PLCG1: variants seen among roughly 807,000 people sequenced by gnomAD.
PLCG1 encodes 1-phosphatidylinositol 4,5-bisphosphate phosphodiesterase gamma-1.
Under a neutral mutation model 177.8 loss-of-function variants are expected in PLCG1, and 71 were observed. The observed-to-expected ratio is 0.40, with a 90% CI of 0.33 to 0.49. The LOEUF (loss-of-function observed/expected upper bound fraction) is 0.49, where lower values mean the gene tolerates loss of function less well. Ranked by LOEUF, PLCG1 falls within the 20% of genes least tolerant of loss-of-function variation. The pLI is 0.72. For missense variants in PLCG1, 1,281 were observed against 1,709.0 expected (o/e 0.75, Z 4.42); for synonymous variants, 658 against 647.9 (o/e 1.02, Z -0.24).
rs1370509433 is a variant in PLCG1 at position 41,156,018 on chromosome 20, C to T, written c.218-3588C>T. Among the ~76,000 whole-genome samples, 1 of 152,138 alleles carries T rather than the reference C, an allele frequency of 6.6e-6. No individual in the cohort carries two copies. The highest frequency in any genetic ancestry group is 1.9e-4 in the East Asian group (1 of 5,184). On this transcript the variant is annotated intron_variant, in intron 1 of 31. Transcript: ENST00000685551. This position sits in a 1 kb window ranked among gnomAD's most constrained non-coding sequence, Gnocchi z 5.0. ...GGCAGATCTCCATCAGGGCAGGGAG[C>T]AGAGCAAGGCCCCAGGATTCTGCCT...
Position 41,157,234 on chromosome 20 carries a change from G to GTGTGTA in PLCG1, c.218-2367_218-2366insATGTGT, listed in dbSNP as rs2035352845. ...TGTGTGTGTGTGTGTGTGTGTGTGT[G>GTGTGTA]TGTGTGTACAGTCACACTCACCTTT... On this transcript the variant is annotated intron_variant, in intron 1 of 31. Transcript: ENST00000685551. The surrounding 1 kb of genome is among the most constrained non-coding windows in gnomAD (Gnocchi z 5.4). Among the ~76,000 whole-genome samples the GTGTGTA allele has an allele frequency of 6.7e-6, 1 of 149,484 alleles. No homozygotes were observed. The highest frequency in any genetic ancestry group is 2.1e-4 in the South Asian group (1 of 4,730).
At position 41,151,701 on chromosome 20, in the gene PLCG1, C is replaced by T. The variant is rs35101885; in HGVS notation, c.218-7905C>T. 6.6e-6 allele frequency among the ~76,000 whole-genome samples: 1 copy of T among 152,214 alleles called. No individual in the cohort carries two copies. The highest frequency in any genetic ancestry group is 2.4e-5 in the African/African-American group (1 of 41,450). On this transcript the variant is annotated intron_variant, in intron 1 of 31. Coordinates refer to ENST00000685551, the MANE Select transcript of PLCG1 (RefSeq NM_002660.3). This position sits in a 1 kb window ranked among gnomAD's most constrained non-coding sequence, Gnocchi z 5.5. The stretch of plus-strand genomic sequence containing the variant: ...GAGAGGAGAACTCTCACCCTTTCCA[C>T]AGGCTTTGGGCATATGCAGCCAGCT...
In PLCG1 at chr20:41,165,995, C is replaced by CA; in HGVS notation, c.1799+169_1799+170insA. On this transcript the variant is annotated intron_variant, in intron 16 of 31. Transcript: ENST00000685551. The surrounding 1 kb of genome is among the most constrained non-coding windows in gnomAD (Gnocchi z 6.6). ...ACACACACACTCTCTGTCTCACCCCCCCCCCATACCCCTCCCTTTTCGGTT... is the reference window on the plus strand; with the variant it reads ...ACACACACACTCTCTGTCTCACCCCCACCCCCATACCCCTCCCTTTTCGGTT... 2.9e-6 allele frequency: 2 copies of CA among 680,458 alleles called. No individual in the cohort carries two copies. The highest frequency in any genetic ancestry group is 5.7e-5 in the East Asian group (2 of 35,212). 42.2% of individuals were successfully genotyped at this position (680,458 alleles called of 1,614,324 possible). A position where few individuals can be genotyped will look rare whatever the true frequency, so the allele number is the denominator to read the frequency against.
Position 41,163,335 on chromosome 20 carries a change from G to T in PLCG1, c.790-43G>T. ...GTTGTGGGGGGCTGGGCTCATCCCT[G>T]ACTGGAGGCTTCTCTCATCCCCTGC... On this transcript the variant is annotated intron_variant, in intron 8 of 31. Transcript: ENST00000685551. This position sits in a 1 kb window ranked among gnomAD's most constrained non-coding sequence, Gnocchi z 5.2. 1 of 1,601,290 alleles carries T rather than the reference G, an allele frequency of 6.2e-7. No homozygotes were observed. Among genetic ancestry groups the T allele is most frequent in the Non-Finnish European group, 8.6e-7 (1 of 1,169,364 alleles).
In PLCG1 at chr20:41,167,687, G is replaced by C; in HGVS notation, c.2302-165G>C. 1.6e-6 allele frequency: 1 copy of C among 611,194 alleles called. No homozygotes were observed. 37.9% of individuals were successfully genotyped at this position (611,194 alleles called of 1,614,324 possible). A position where few individuals can be genotyped will look rare whatever the true frequency, so the allele number is the denominator to read the frequency against. On this transcript the variant is annotated intron_variant, in intron 19 of 31. Coordinates refer to ENST00000685551, the MANE Select transcript of PLCG1 (RefSeq NM_002660.3). This position sits in a 1 kb window ranked among gnomAD's most constrained non-coding sequence, Gnocchi z 4.4. The stretch of plus-strand genomic sequence containing the variant: ...AGAAAGGAAAGGGAACAGTGAGGCC[G>C]GGCCTGAGGCCTCTGAAGCCGTCTC...
In PLCG1 at chr20:41,174,368, T is replaced by TC; in HGVS notation, c.3833+58dup. 6.2e-7 allele frequency: 1 copy of TC among 1,602,166 alleles called. No individual in the cohort carries two copies. The highest frequency in any genetic ancestry group is 1.1e-5 in the South Asian group (1 of 90,818). ...AAGGCAGTGGCTAGGTCCTCCTTCT[T>TC]CAGTGTTTCTTTCTCCTGGGTAGAA... On this transcript the variant is annotated intron_variant, in intron 31 of 31. Coordinates refer to ENST00000685551, the MANE Select transcript of PLCG1 (RefSeq NM_002660.3). The surrounding 1 kb of genome is among the most constrained non-coding windows in gnomAD (Gnocchi z 5.8).
Position 41,165,236 on chromosome 20 carries a change from C to T in PLCG1, c.1387-9C>T, listed in dbSNP as rs2035642188. 1 of 1,613,636 alleles carries T rather than the reference C, an allele frequency of 6.2e-7. No homozygotes were observed. The highest frequency in any genetic ancestry group is 1.3e-5 in the African/African-American group (1 of 74,916). On this transcript the variant is annotated splice_polypyrimidine_tract_variant and intron_variant, in intron 13 of 31. Transcript: ENST00000685551. The surrounding 1 kb of genome is among the most constrained non-coding windows in gnomAD (Gnocchi z 6.6). ...GGTCTGCATTGCCCTGTTCTGGTTG[C>T]CCCTACAGCACAAGAAGCTGGCTGA...
rs2036016232 is a variant in PLCG1, at chr20:41,174,894, G to C, written c.*385G>C. The stretch of plus-strand genomic sequence containing the variant: ...TACTGACATTCCTAAGAGTGGAGGA[G>C]GAGGAGGAGCCTTGCTGGGCCAGGG... On this transcript the variant is annotated 3_prime_UTR_variant, in exon 32 of 32. Coordinates refer to ENST00000685551, the MANE Select transcript of PLCG1 (RefSeq NM_002660.3). This position sits in a 1 kb window ranked among gnomAD's most constrained non-coding sequence, Gnocchi z 5.8. 4.7e-6 allele frequency: 1 copy of C among 212,718 alleles called. No homozygotes were observed. Among genetic ancestry groups the C allele is most frequent in the Non-Finnish European group, 9.5e-6 (1 of 105,472 alleles). The allele number at this position is 212,718 out of a possible 1,614,324, so 13.2% of individuals were successfully genotyped here.
In PLCG1 at chr20:41,165,807, GACT is replaced by G; in HGVS notation, c.1783_1785del (p.Tyr595del). On this transcript the variant is annotated inframe_deletion, in exon 16 of 32. Transcript: ENST00000685551. This position sits in a 1 kb window ranked among gnomAD's most constrained non-coding sequence, Gnocchi z 6.6. ...GCGAGAGAGTGAGACCTTCGTGGGC[GACT>G]ACACGCTCTCTTTCTGGTAACACTT... The G allele has an allele frequency of 6.3e-7, 1 of 1,590,378 alleles. No homozygotes were observed. Among genetic ancestry groups the G allele is most frequent in the Non-Finnish European group, 8.6e-7 (1 of 1,164,806 alleles).
Position 41,166,218 on chromosome 20 carries a change from C to T in PLCG1, c.1824C>T (p.Cys608=). The change falls in exon 17 of 32, where the codon TGC becomes TGT. Residue 608 remains cysteine, a synonymous_variant. Coordinates refer to ENST00000685551, the MANE Select transcript of PLCG1 (RefSeq NM_002660.3). This position sits in a 1 kb window ranked among gnomAD's most constrained non-coding sequence, Gnocchi z 8.6. The part of the protein sequence containing the change: ...SFWRNGKVQH[C]RIHSRQDAGT... ...GGCGGAACGGGAAAGTCCAGCACTG[C>T]CGTATCCACTCCCGGCAAGATGCTG... 2 of 1,613,782 alleles carry T rather than the reference C, an allele frequency of 1.2e-6. No homozygotes were observed. The highest frequency in any genetic ancestry group is 1.3e-5 in the African/African-American group (1 of 75,062).
At position 41,160,227 on chromosome 20, in the gene PLCG1, A is replaced by G; in HGVS notation, c.512+74A>G. The G allele has an allele frequency of 7.3e-7, 1 of 1,374,746 alleles. No homozygotes were observed. Among genetic ancestry groups the G allele is most frequent in the Non-Finnish European group, 1.0e-6 (1 of 966,370 alleles). The allele number at this position is 1,374,746 out of a possible 1,614,324, so 85.2% of individuals were successfully genotyped here. A position where few individuals can be genotyped will look rare whatever the true frequency, so the allele number is the denominator to read the frequency against. Reference sequence around the variant, plus strand: ...CAGAACCTTAGCCAGGCCTCTAAGTAGCTGCCCGGAGAGCCAGAGGACCCA... The same window carrying G: ...CAGAACCTTAGCCAGGCCTCTAAGTGGCTGCCCGGAGAGCCAGAGGACCCA... On this transcript the variant is annotated intron_variant, in intron 4 of 31. Coordinates refer to ENST00000685551, the MANE Select transcript of PLCG1 (RefSeq NM_002660.3). This position sits in a 1 kb window ranked among gnomAD's most constrained non-coding sequence, Gnocchi z 5.5.
Position 41,170,146 on chromosome 20 carries a change from C to T in PLCG1, c.2685C>T (p.Phe895=), listed in dbSNP as rs1457168338. 3.1e-6 allele frequency: 5 copies of T among 1,613,854 alleles called. No individual in the cohort carries two copies. The highest frequency in any genetic ancestry group is 3.4e-6 in the Non-Finnish European group (4 of 1,179,826). The part of the protein sequence containing the change: ...IRPEGKNNRL[F]VFSISMASVA... ...CTGAGGGCAAGAACAACCGGCTCTT[C>T]GTCTTCTCCATCAGCATGGCGTCGG... The change falls in exon 24 of 32, where the codon TTC becomes TTT. Residue 895 remains phenylalanine (F), a synonymous_variant. Coordinates refer to ENST00000685551, the MANE Select transcript of PLCG1 (RefSeq NM_002660.3).
intron 1 of PLCG1, among the ~76,000 whole-genome samples, chr20:41,142,188 A>G (rs2145996888): frequency 6.6e-6 from 1 of 152,354 alleles, no homozygotes; most frequent in South Asian, 2.1e-4. Context: ...GAAGGCATTA[A>G]AGGAGAGGTG....
intron 1 of PLCG1, among the ~76,000 whole-genome samples, chr20:41,158,632 C>T (rs1452561959): frequency 6.6e-6 from 1 of 152,192 alleles, no homozygotes; most frequent in Non-Finnish European, 1.5e-5. Flanking sequence ...CAACATCTTT[C>T]TGATGCTATT....
intron 23 of PLCG1, 111 bp from the exon 24 acceptor site, chr20:41,170,001 A>G: frequency 2.0e-6 from 2 of 975,894 alleles, no homozygotes; most frequent in East Asian, 4.8e-5. Flanking sequence ...GGGTGTGGGA[A>G]GGAGGAAATG....
In PLCG1 at chr20:41,153,330, C is replaced by T. The variant is rs180954400; in HGVS notation, c.218-6276C>T. Among the ~76,000 whole-genome samples the T allele has an allele frequency of 4.9e-4, 75 of 152,280 alleles. No individual in the cohort carries two copies. The highest frequency in any genetic ancestry group is 1.8e-3 in the African/African-American group (74 of 41,546). The stretch of plus-strand genomic sequence containing the variant: ...TCGCTTTGTTGGCCAGGCTGGAGTA[C>T]AGTACTGTGATCATAGCTCATAGAG... On this transcript the variant is annotated intron_variant, in intron 1 of 31. Coordinates refer to ENST00000685551, the MANE Select transcript of PLCG1 (RefSeq NM_002660.3). The surrounding 1 kb of genome is among the most constrained non-coding windows in gnomAD (Gnocchi z 5.1).
Position 41,172,655 on chromosome 20 carries a change from T to TC in PLCG1, c.3130+14dup. ...AACTTCCAGACCCCTGGTGAGGAAG[T>TC]CCCCTGTGAGGAGGGTGAGGAGGGG... On this transcript the variant is annotated intron_variant, in intron 26 of 31. Coordinates refer to ENST00000685551, the MANE Select transcript of PLCG1 (RefSeq NM_002660.3). The surrounding 1 kb of genome is among the most constrained non-coding windows in gnomAD (Gnocchi z 7.0). 6.2e-7 allele frequency: 1 copy of TC among 1,613,210 alleles called. No individual in the cohort carries two copies.
In PLCG1 at chr20:41,165,783, CGA is replaced by C; in HGVS notation, c.1762_1763del (p.Ser588Ter). 6.2e-7 allele frequency: 1 copy of C among 1,602,562 alleles called. No homozygotes were observed. Among genetic ancestry groups the C allele is most frequent in the Non-Finnish European group, 8.5e-7 (1 of 1,172,134 alleles). On this transcript the variant is annotated frameshift_variant, in exon 16 of 32. Coordinates refer to ENST00000685551, the MANE Select transcript of PLCG1 (RefSeq NM_002660.3). LOFTEE classifies it high-confidence loss of function. This position sits in a 1 kb window ranked among gnomAD's most constrained non-coding sequence, Gnocchi z 6.6. ...AGCCCCTGACGGCTCCTTCCTCGTG[CGA>C]GAGAGTGAGACCTTCGTGGGCGACT... ...TGAPDGSFLVRESETFVGDYT... is the reference protein window; with the variant it reads ...TGAPDGSFLVXESETFVGDYT...
intron 4 of PLCG1, among the ~76,000 whole-genome samples, chr20:41,161,312 A>G (rs551176342): frequency 2.0e-5 from 3 of 152,230 alleles, no homozygotes; most frequent in Admixed American, 2.0e-4. Flanking sequence ...CCTAGCGGTG[A>G]GGGGCTCAAG....
Sources: gnomAD v4.1 joint callset for allele counts (sites outside exome capture counted in the v4.1 genomes callset) on GRCh38, gnomAD v4.1.1 for gene constraint, Gnocchi (gnomAD v3.1) non-coding constraint, MANE v1.5 for transcripts, NCBI Gene and HGNC (gene_info 2026-07-23, HGNC 2026-07-21) for gene names.